FRMD4B: variants seen among roughly 807,000 people sequenced by gnomAD.
FRMD4B encodes the protein FERM domain containing 4B.
Under a neutral mutation model 141.5 loss-of-function variants are expected in FRMD4B, and 74 were observed. That is an observed-to-expected ratio of 0.52 (90% CI 0.43 to 0.63). The LOEUF (loss-of-function observed/expected upper bound fraction) is 0.63. FRMD4B is among the 30% of genes least tolerant of loss of function. The pLI is 0.00. For missense variants in FRMD4B, 1,366 were observed against 1,253.4 expected (o/e 1.09, Z -1.36); for synonymous variants, 506 against 467.9 (o/e 1.08, Z -1.05).
chr3:69,536,918 A>T (rs1239988871), intron 1 of FRMD4B, among the ~76,000 whole-genome samples: 1 of 151,850 alleles, frequency 6.6e-6, no homozygotes, highest in African/African-American at 2.4e-5. Flanking sequence ...AGGTAATTTT[A>T]AAAATTTTAA....
At chr3:69,311,111 C>A (rs1701571344) in intron 3 of FRMD4B, among the ~76,000 whole-genome samples, 152 bp downstream of exon 3, 1 of 152,038 alleles carries the variant, frequency 6.6e-6, no homozygotes, top group African/African-American at 2.4e-5. Context: ...TGCCATAATC[C>A]TAGGAGAAAA....
At chr3:69,496,625 GAGAGAGAGAGAA>G (rs201456560) in intron 1 of FRMD4B, among the ~76,000 whole-genome samples, 9 of 93,404 alleles carry the variant, frequency 9.6e-5, no homozygotes, top group Non-Finnish European at 1.9e-4. Context: ...GAGAGAGAGA[GAGAGAGAGAGAA>G]AGAGAGAGAG....
At chr3:69,310,470 G>C in intron 3 of FRMD4B, 1 of 456,322 alleles carries the variant, frequency 2.2e-6, no homozygotes, top group Non-Finnish European at 4.4e-6. Flanking sequence ...AAAGTGGAAG[G>C]ATTCCTCTGA....
chr3:69,228,601 G>A lies in FRMD4B; in HGVS notation c.582-3911C>T, dbSNP rs954855216. 18 of 404,574 alleles carry A rather than the reference G, an allele frequency of 4.4e-5. No individual in the cohort carries two copies. In the Admixed American group the frequency reaches 5.0e-4, roughly 11 times the overall value. The allele number at this position is 404,574 out of a possible 1,614,324, so 25.1% of individuals were successfully genotyped here. A position where few individuals can be genotyped will look rare whatever the true frequency, so the allele number is the denominator to read the frequency against. On this transcript the variant is annotated intron_variant, in intron 7 of 22. Transcript: ENST00000398540. ...TATAATCCCAACACTTTGGGAGACT[G>A]AGCTGGGAGGATCTCTTGAGCCCAG...
chr3:69,366,948 G>A (rs1339113502), intron 1 of FRMD4B, among the ~76,000 whole-genome samples: 2 of 151,696 alleles, frequency 1.3e-5, no homozygotes, highest in African/African-American at 4.8e-5. Flanking sequence ...TGTATTTTTT[G>A]TAGAGATGAA....
chr3:69,181,011 T>A lies in FRMD4B; in HGVS notation c.2739A>T (p.Gly913=), dbSNP rs61737530. The A allele has an allele frequency of 2.2e-4, 358 of 1,614,010 alleles. No individual in the cohort carries two copies. In the Middle Eastern group the frequency reaches 3.1e-3, roughly 14 times the overall value. The change falls in exon 21 of 23, where the codon GGA becomes GGT. Residue 913 remains glycine (G), a synonymous_variant. Transcript: ENST00000398540. ...YQRASGQKDQ[G]HSPQTSFDSD... ...AGTCAAAGCTGGTCTGCGGGCTGTG[T>A]CCCTGATCCTTCTGCCCAGAGGCCC...
intron 21 of FRMD4B, among the ~76,000 whole-genome samples, chr3:69,178,952 G>A (rs747874236): frequency 6.6e-6 from 1 of 151,732 alleles, no homozygotes; most frequent in African/African-American, 2.4e-5. Context: ...CTGAGTCACC[G>A]AGAGATCCTT....
chr3:69,270,427 C>CA (rs1237805281), intron 5 of FRMD4B, among the ~76,000 whole-genome samples: 1 of 152,086 alleles, frequency 6.6e-6, no homozygotes, highest in African/African-American at 2.4e-5. Flanking sequence ...GACAGATGTA[C>CA]AGGTAAATAG....
At chr3:69,337,336 C>T (rs1487101841) in intron 1 of FRMD4B, among the ~76,000 whole-genome samples, 15 of 152,132 alleles carry the variant, frequency 9.9e-5, no homozygotes, top group Non-Finnish European at 2.1e-4. Flanking sequence ...AATGTTAGAC[C>T]TAAAACCATA....
intron 1 of FRMD4B, among the ~76,000 whole-genome samples, chr3:69,368,920 C>A (rs1703748039): frequency 6.6e-6 from 1 of 152,200 alleles, no homozygotes; most frequent in African/African-American, 2.4e-5. Flanking sequence ...CTCGGCCTCC[C>A]AAAGTGCCGG....
chr3:69,432,049 CA>C (rs1705187942), intron 2 of FRMD4B, among the ~76,000 whole-genome samples: 1 of 151,680 alleles, frequency 6.6e-6, no homozygotes, highest in Non-Finnish European at 1.5e-5. Flanking sequence ...TGCAACTGTT[CA>C]AATATTCCAT....
intron 7 of FRMD4B, among the ~76,000 whole-genome samples, chr3:69,237,270 C>T (rs1026241323): frequency 3.9e-5 from 6 of 152,248 alleles, no homozygotes; most frequent in African/African-American, 1.4e-4. Flanking sequence ...CCAGCCCTTG[C>T]TCTCCTCCCC....
At chr3:69,337,840 C>T (rs1446358986) in intron 1 of FRMD4B, among the ~76,000 whole-genome samples, 1 of 152,170 alleles carries the variant, frequency 6.6e-6, no homozygotes, top group East Asian at 1.9e-4. Context: ...GAAATAGGAA[C>T]ACTTTGACAC....
At position 69,324,603 on chromosome 3, in the gene FRMD4B, C is replaced by T. The variant is rs1345012743; in HGVS notation, c.163-11086G>A. Reference sequence around the variant, plus strand: ...TGTCTCCAGACCTTGCCAAATGTCCCCTGGGACGCAAAATCACCTCTTTTG... The same window carrying T: ...TGTCTCCAGACCTTGCCAAATGTCCTCTGGGACGCAAAATCACCTCTTTTG... On this transcript the variant is annotated intron_variant, in intron 1 of 22. Transcript: ENST00000398540. 3.3e-5 allele frequency among the ~76,000 whole-genome samples: 5 copies of T among 152,316 alleles called. No individual in the cohort carries two copies. In the East Asian group the frequency reaches 9.7e-4, roughly 29 times the overall value.
intron 7 of FRMD4B, among the ~76,000 whole-genome samples, chr3:69,231,534 C>A (rs187448386): frequency 6.6e-6 from 1 of 152,214 alleles, no homozygotes; most frequent in Non-Finnish European, 1.5e-5. Flanking sequence ...GTGATCTGCC[C>A]GCCTCCACCT....
intron 5 of FRMD4B, among the ~76,000 whole-genome samples, chr3:69,281,838 AAT>A (rs1553715922): frequency 5.5e-5 from 7 of 128,214 alleles, no homozygotes; most frequent in African/African-American, 2.0e-4. Flanking sequence ...AAAAAAAAAA[AAT>A]ATATATATAT....
At chr3:69,331,276 T>C (rs184979310) in intron 1 of FRMD4B, among the ~76,000 whole-genome samples, 1 of 152,262 alleles carries the variant, frequency 6.6e-6, no homozygotes, top group East Asian at 1.9e-4. Context: ...ATTTGAAATT[T>C]TGGTCACTCT....
At chr3:69,430,913 G>A (rs1489847282) in intron 2 of FRMD4B, among the ~76,000 whole-genome samples, 2 of 152,208 alleles carry the variant, frequency 1.3e-5, no homozygotes, top group African/African-American at 4.8e-5. Flanking sequence ...GAGAATGACA[G>A]TAGGGACAAT....
chr3:69,317,046 C>T (rs1373550155), intron 1 of FRMD4B, among the ~76,000 whole-genome samples: 2 of 151,908 alleles, frequency 1.3e-5, no homozygotes, highest in Non-Finnish European at 2.9e-5. Context: ...CATAACTGCA[C>T]TCCAGCCTGG....
Sources: allele counts gnomAD v4.1 joint callset (sites outside exome capture counted in the v4.1 genomes callset), GRCh38; gene constraint gnomAD v4.1.1; transcripts MANE v1.5; gene names NCBI Gene and HGNC (gene_info 2026-07-23, HGNC 2026-07-21).